The following SLC7A2 variants were observed in gnomAD, a reference collection of about 807,000 sequenced individuals.
The protein encoded by SLC7A2 is cationic amino acid transporter 2.
SLC7A2 carries 48 observed loss-of-function variants against 58.9 expected under a neutral mutation model. The observed-to-expected ratio is 0.82, with a 90% CI of 0.65 to 1.04. The LOEUF (loss-of-function observed/expected upper bound fraction) is 1.04, where lower values mean the gene tolerates loss of function less well. Among genes scored for constraint, SLC7A2 ranks in the 50% least tolerant of loss-of-function variants. SLC7A2 has a pLI of 0.00. For missense variants in SLC7A2, 1,029 were observed against 818.8 expected, an observed-to-expected ratio of 1.26 and a Z score of -3.13; for synonymous variants, 363 against 314.5, an observed-to-expected ratio of 1.15 and a Z score of -1.63.
rs1174656122 is a variant in SLC7A2 at position 17,560,499 on chromosome 8, A to G, written c.1470A>G (p.Ser490=). The change falls in exon 10 of 13, where the codon TCA becomes TCG. Residue 490 remains serine, a synonymous_variant. Coordinates refer to ENST00000494857, the MANE Select transcript of SLC7A2 (RefSeq NM_001370338.1). ...CCTCCCTTCTGCCAACACAGCAGTC[A>G]GCTTCTCTCGTGAGCTTTCTGGTAG... ...FCPSLLPTQQ[S]ASLVSFLVGF... 1.9e-6 allele frequency: 3 copies of G among 1,613,938 alleles called. No individual in the cohort carries two copies. Among genetic ancestry groups the G allele is most frequent in the African/African-American group, 2.7e-5 (2 of 75,018 alleles).
chr8:17,494,468 G>A (rs985342495), upstream of SLC7A2, among the ~76,000 whole-genome samples: 1 of 152,128 alleles, frequency 6.6e-6, no homozygotes, highest in Non-Finnish European at 1.5e-5. Context: ...GAAAAGTGAT[G>A]GCAATAAACC....
At chr8:17,541,839 A>G (rs1420152425) in intron 2 of SLC7A2, among the ~76,000 whole-genome samples, 1 of 152,206 alleles carries the variant, frequency 6.6e-6, no homozygotes, top group Non-Finnish European at 1.5e-5. Flanking sequence ...TTTTGCTTTA[A>G]GTCTTTTTAC....
At chr8:17,552,246 G>GACACAC (rs141193257) in intron 7 of SLC7A2, among the ~76,000 whole-genome samples, 3 of 150,638 alleles carry the variant, frequency 2.0e-5, no homozygotes, top group East Asian at 1.9e-4. Context: ...GATACACACA[G>GACACAC]ACACACACAC....
At chr8:17,519,579 T>TG (rs1482699681) in intron 2 of SLC7A2, among the ~76,000 whole-genome samples, 1 of 152,152 alleles carries the variant, frequency 6.6e-6, no homozygotes, top group East Asian at 1.9e-4. Flanking sequence ...TGTGGAGTAT[T>TG]GGGTTCTTTT....
chr8:17,548,569 T>G (rs1802286876), intron 4 of SLC7A2, 109 bp from the exon 5 acceptor site: 1 of 765,988 alleles, frequency 1.3e-6, no homozygotes, highest in African/African-American at 1.7e-5. Flanking sequence ...TAGATGGAAA[T>G]TAAAGACATG....
chr8:17,496,623 T>A (rs566960865), upstream of SLC7A2, among the ~76,000 whole-genome samples: 1 of 152,224 alleles, frequency 6.6e-6, no homozygotes, highest in Non-Finnish European at 1.5e-5. Flanking sequence ...TATCAACGTT[T>A]AGTTTGCATT....
chr8:17,542,226 G>A lies in SLC7A2; in HGVS notation c.-22-1092G>A, dbSNP rs535996643. Among the ~76,000 whole-genome samples, 24 of 152,296 alleles carry A rather than the reference G, an allele frequency of 1.6e-4. No individual in the cohort carries two copies. The South Asian group carries it at 4.8e-3, about 30-fold the overall frequency. On this transcript the variant is annotated intron_variant, in intron 2 of 12. Transcript: ENST00000494857. ...AAGCTCACACATGCTTGATAAAGCT[G>A]TAGAATACGTAATGATTAAGTTTTT... is the stretch of plus-strand genomic sequence containing the variant.
At chr8:17,551,479 C>T (rs1476854491) in intron 6 of SLC7A2, among the ~76,000 whole-genome samples, 1 of 152,210 alleles carries the variant, frequency 6.6e-6, no homozygotes, top group Middle Eastern at 3.4e-3. Flanking sequence ...CACCCGTGGT[C>T]CCAGCTACTC....
At chr8:17,520,234 C>T (rs566813457) in intron 2 of SLC7A2, among the ~76,000 whole-genome samples, 31 of 152,124 alleles carry the variant, frequency 2.0e-4, no homozygotes, top group African/African-American at 6.3e-4. Flanking sequence ...GACATATGTT[C>T]CAACTATATT....
chr8:17,545,484 G>A (rs944464072), intron 4 of SLC7A2, among the ~76,000 whole-genome samples: 5 of 130,748 alleles, frequency 3.8e-5, no homozygotes, highest in Non-Finnish European at 4.6e-5. Context: ...TGCAACCTCC[G>A]TCTCCCGGGT....
At chr8:17,505,251 T>A (rs1254258299) in intron 2 of SLC7A2, among the ~76,000 whole-genome samples, 1 of 152,196 alleles carries the variant, frequency 6.6e-6, no homozygotes, top group Non-Finnish European at 1.5e-5. Flanking sequence ...AAACCCAAGA[T>A]AAGAACCTTG....
intron 2 of SLC7A2, among the ~76,000 whole-genome samples, chr8:17,513,344 A>T (rs1331422821): frequency 6.6e-6 from 1 of 151,976 alleles, no homozygotes; most frequent in Non-Finnish European, 1.5e-5. Flanking sequence ...TTTTTGTAGT[A>T]GTCATCCTAA....
chr8:17,523,029 T>G (rs7015527), intron 2 of SLC7A2, among the ~76,000 whole-genome samples: 3 of 151,856 alleles, frequency 2.0e-5, no homozygotes, highest in African/African-American at 7.3e-5. Flanking sequence ...AGGGAGACCC[T>G]GTATCAAAAA....
chr8:17,518,200 T>C (rs752124958), intron 2 of SLC7A2, among the ~76,000 whole-genome samples: 12 of 150,002 alleles, frequency 8.0e-5, no homozygotes, highest in Non-Finnish European at 1.3e-4. Context: ...CAAATATTTA[T>C]TCATTTTTCT....
intron 2 of SLC7A2, among the ~76,000 whole-genome samples, chr8:17,510,442 C>A (rs1162937555): frequency 6.6e-6 from 1 of 152,142 alleles, no homozygotes; most frequent in East Asian, 1.9e-4. Flanking sequence ...AATTTACATT[C>A]CCACCAACAG....
At chr8:17,516,272 C>G (rs900047794) in intron 2 of SLC7A2, among the ~76,000 whole-genome samples, 2 of 151,770 alleles carry the variant, frequency 1.3e-5, no homozygotes, top group Admixed American at 1.3e-4. Context: ...GTCGCCCAGG[C>G]TGGAGTGCAG....
At chr8:17,552,588 ATGTGAAGGGAAG>A (rs1407172185) in intron 7 of SLC7A2, among the ~76,000 whole-genome samples, 1 of 6,300 alleles carries the variant, frequency 1.6e-4, no homozygotes, top group Non-Finnish European at 5.8e-4. Context: ...TCATATAAAT[ATGTGAAGGGAAG>A]CACCAATCAG....
Position 17,569,899 on chromosome 8 carries a change from T to C in SLC7A2, c.*4753T>C, listed in dbSNP as rs12156195. 3,545 of 152,064 alleles carry C rather than the reference T, an allele frequency of 0.023. 97 individuals carry two copies. The highest frequency in any genetic ancestry group is 0.12 in the Middle Eastern group (36 of 294). The allele number at this position is 152,064 out of a possible 1,614,324, so 9.4% of individuals were successfully genotyped here. A position where few individuals can be genotyped will look rare whatever the true frequency, so the allele number is the denominator to read the frequency against. ...TTCCAGGATCAGGCAGCCTATAGAG[T>C]GTGAGCATCTATGTGTAGCTACCCT... is the stretch of plus-strand genomic sequence containing the variant. On this transcript the variant is annotated 3_prime_UTR_variant, in exon 13 of 13. Coordinates refer to ENST00000494857, the MANE Select transcript of SLC7A2 (RefSeq NM_001370338.1).
At chr8:17,504,926 C>G (rs1004822965) in intron 2 of SLC7A2, among the ~76,000 whole-genome samples, 4 of 152,164 alleles carry the variant, frequency 2.6e-5, no homozygotes, top group Non-Finnish European at 5.9e-5. Flanking sequence ...AGCTCCTCCT[C>G]CTTTACTCCG....
Sources: allele counts gnomAD v4.1 joint callset (sites outside exome capture counted in the v4.1 genomes callset), GRCh38; gene constraint gnomAD v4.1.1; transcripts MANE v1.5; gene names NCBI Gene and HGNC (gene_info 2026-07-23, HGNC 2026-07-21).